The following ALK variants were observed in gnomAD, a reference collection of about 807,000 sequenced individuals.
ALK encodes ALK tyrosine kinase receptor.
ALK carries 74 observed loss-of-function variants against 163.1 expected under a neutral mutation model. The ratio of observed to expected loss-of-function variants is 0.45; its 90% CI spans 0.38 to 0.55. The LOEUF (loss-of-function observed/expected upper bound fraction) is 0.55, where lower values mean the gene tolerates loss of function less well. Ranked by LOEUF, ALK falls within the 20% of genes least tolerant of loss-of-function variation. The pLI, the probability that ALK is intolerant of heterozygous loss-of-function variation, is 0.00. For missense variants in ALK, 2,063 were observed against 2,105.3 expected (o/e 0.98, Z 0.39); for synonymous variants, 960 against 843.2 (o/e 1.14, Z -2.40).
chr2:29,476,256 G>A (rs554478768), intron 4 of ALK, among the ~76,000 whole-genome samples: 11 of 152,258 alleles, frequency 7.2e-5, no homozygotes, highest in South Asian at 6.2e-4. Flanking sequence ...TACAATGAGC[G>A]CATTCTAGGT....
chr2:29,847,334 G>T (rs1342755144), intron 1 of ALK, among the ~76,000 whole-genome samples: 1 of 152,114 alleles, frequency 6.6e-6, no homozygotes, highest in Non-Finnish European at 1.5e-5. Flanking sequence ...GCTCCTATCT[G>T]CACTGGAGAT....
chr2:29,744,953 C>A (rs6740892), intron 1 of ALK, among the ~76,000 whole-genome samples: 2,421 of 152,224 alleles, frequency 0.016, 55 homozygotes, highest in African/African-American at 0.055. Flanking sequence ...GGGAATTCGA[C>A]TCTATTTTTG....
chr2:29,317,750 T>C (rs1042776751), intron 8 of ALK, among the ~76,000 whole-genome samples: 1 of 152,082 alleles, frequency 6.6e-6, no homozygotes, highest in African/African-American at 2.4e-5. Flanking sequence ...CATGCTGGGG[T>C]CTTAAGTACA....
intron 1 of ALK, among the ~76,000 whole-genome samples, chr2:29,732,888 C>T (rs1679784325): frequency 8.7e-6 from 1 of 115,406 alleles, no homozygotes; most frequent in Non-Finnish European, 1.9e-5. Context: ...TTTTAAGCTA[C>T]CTAGTCTATA....
chr2:29,910,631 A>G (rs1667676872), intron 1 of ALK, among the ~76,000 whole-genome samples: 1 of 152,192 alleles, frequency 6.6e-6, no homozygotes, highest in Admixed American at 6.5e-5. Context: ...GAAACAGGTA[A>G]AGAGCATCTC....
intron 1 of ALK, among the ~76,000 whole-genome samples, chr2:29,897,386 G>A (rs1047000643): frequency 1.3e-5 from 2 of 151,850 alleles, no homozygotes; most frequent in South Asian, 4.2e-4. Flanking sequence ...GAAGGAAAAA[G>A]TAAAGAAAAA....
chr2:29,304,590 C>A (rs1666455481), intron 8 of ALK, among the ~76,000 whole-genome samples: 1 of 152,164 alleles, frequency 6.6e-6, no homozygotes, highest in Admixed American at 6.5e-5. Context: ...ATCCCATGAC[C>A]TTTCCAGAAT....
intron 5 of ALK, among the ~76,000 whole-genome samples, chr2:29,375,029 C>T (rs1199851514): frequency 1.3e-5 from 2 of 152,212 alleles, no homozygotes; most frequent in East Asian, 3.9e-4. Context: ...GTGTGGCTCT[C>T]ATCACCCTCT....
At chr2:29,472,477 T>A (rs143309342) in intron 4 of ALK, among the ~76,000 whole-genome samples, 1 of 152,208 alleles carries the variant, frequency 6.6e-6, no homozygotes, top group South Asian at 2.1e-4. Context: ...TACAGCTAAC[T>A]TCATACTTAA....
At chr2:29,247,002 C>T (rs1664692182) in intron 12 of ALK, among the ~76,000 whole-genome samples, 1 of 152,218 alleles carries the variant, frequency 6.6e-6, no homozygotes, top group South Asian at 2.1e-4. Context: ...TTGTGCTCAC[C>T]GCAGGCTCTG....
chr2:29,747,871 A>T (rs1680247935), intron 1 of ALK, among the ~76,000 whole-genome samples: 1 of 152,112 alleles, frequency 6.6e-6, no homozygotes, highest in Non-Finnish European at 1.5e-5. Flanking sequence ...CTAAAGTGGC[A>T]AGGTCCAAAG....
intron 2 of ALK, among the ~76,000 whole-genome samples, chr2:29,706,064 T>C (rs531457251): frequency 1.3e-4 from 20 of 152,366 alleles, no homozygotes; most frequent in African/African-American, 4.8e-4. Flanking sequence ...GTTCTAGCTC[T>C]GGCTCTGTGA....
chr2:29,313,496 C>T (rs1052338995), intron 8 of ALK, among the ~76,000 whole-genome samples: 1 of 152,048 alleles, frequency 6.6e-6, no homozygotes, highest in African/African-American at 2.4e-5. Flanking sequence ...TATCTGCCTG[C>T]AGAAATGAGG....
intron 1 of ALK, among the ~76,000 whole-genome samples, chr2:29,898,038 A>T (rs990966522): frequency 5.5e-4 from 83 of 152,242 alleles, no homozygotes; most frequent in African/African-American, 1.8e-3. Context: ...TGGAAGGAGT[A>T]AAGGCAAGAC....
chr2:29,583,548 G>T (rs1558395395), intron 3 of ALK, among the ~76,000 whole-genome samples: 1 of 120,854 alleles, frequency 8.3e-6, no homozygotes, highest in Non-Finnish European at 2.1e-5. Flanking sequence ...CTTGATCTCA[G>T]TTTCTGGACT....
chr2:29,769,990 G>C (rs1412335489), intron 1 of ALK, among the ~76,000 whole-genome samples: 1 of 152,202 alleles, frequency 6.6e-6, no homozygotes, highest in Non-Finnish European at 1.5e-5. Context: ...GTGTTGGTGG[G>C]AGGGACGAGA....
chr2:29,219,701 C>T (rs1669749552), intron 23 of ALK, among the ~76,000 whole-genome samples: 1 of 152,166 alleles, frequency 6.6e-6, no homozygotes, highest in Non-Finnish European at 1.5e-5. Context: ...TAATTTAGAA[C>T]CACCTTTGAG....
At chr2:29,350,465 T>C (rs1668083297) in intron 5 of ALK, among the ~76,000 whole-genome samples, 1 of 152,132 alleles carries the variant, frequency 6.6e-6, no homozygotes, top group East Asian at 1.9e-4. Context: ...TCCATTGACC[T>C]GAGCACCTGA....
intron 24 of ALK, among the ~76,000 whole-genome samples, chr2:29,212,029 T>C (rs941296481): frequency 8.5e-5 from 13 of 152,200 alleles, no homozygotes; most frequent in Middle Eastern, 3.4e-3. Flanking sequence ...GGAAAGGAGA[T>C]GTCAAAAGGT....
Sources: gnomAD v4.1 joint callset for allele counts (sites outside exome capture counted in the v4.1 genomes callset) on GRCh38, gnomAD v4.1.1 for gene constraint, MANE v1.5 for transcripts, NCBI Gene and HGNC (gene_info 2026-07-23, HGNC 2026-07-21) for gene names.